Variants in GLYATL2 observed in about 807,000 individuals in gnomAD.
GLYATL2 encodes the protein glycine N-acyltransferase-like protein 2.
Under a neutral mutation model 21.4 loss-of-function variants are expected in GLYATL2, and 25 were observed. That is an observed-to-expected ratio of 1.17 (90% confidence interval 0.85 to 1.63). GLYATL2 has a LOEUF of 1.63. GLYATL2 is among the 40% of genes most tolerant of loss of function. The probability of loss-of-function intolerance (pLI) is 0.00; values close to 1 mark genes in which losing one functional copy is unlikely to be tolerated. For missense variants in GLYATL2, 361 were observed against 343.3 expected, an observed-to-expected ratio of 1.05 and a Z score of -0.41; for synonymous variants, 114 against 118.2, an observed-to-expected ratio of 0.96 and a Z score of 0.23.
intron 1 of GLYATL2, among the ~76,000 whole-genome samples, chr11:58,895,412 G>A (rs1854617850): frequency 6.6e-6 from 1 of 152,186 alleles, no homozygotes; most frequent in African/African-American, 2.4e-5. Flanking sequence ...CATAGACTGA[G>A]TGGCTTACAC....
chr11:58,865,963 T>A (rs180776177), intron 1 of GLYATL2, among the ~76,000 whole-genome samples: 1 of 148,880 alleles, frequency 6.7e-6, no homozygotes, highest in East Asian at 2.2e-4. Flanking sequence ...CTAGAACACA[T>A]CAGAGAGCTT....
At chr11:58,847,207 A>ACC (rs1853659320), upstream of GLYATL2, among the ~76,000 whole-genome samples, 1 of 152,158 alleles carries the variant, frequency 6.6e-6, no homozygotes, top group Non-Finnish European at 1.5e-5. Flanking sequence ...CTATTAGTAC[A>ACC]TTGAGGACCT....
intron 1 of GLYATL2, among the ~76,000 whole-genome samples, chr11:58,841,599 C>T (rs1683004710): frequency 6.6e-6 from 1 of 152,172 alleles, no homozygotes; most frequent in African/African-American, 2.4e-5. Context: ...AGATGGACTA[C>T]ATGTAACTTG....
chr11:58,889,457 T>C (rs1344573534), intron 1 of GLYATL2, among the ~76,000 whole-genome samples: 1 of 152,080 alleles, frequency 6.6e-6, no homozygotes, highest in African/African-American at 2.4e-5. Flanking sequence ...GTTCTATTCT[T>C]GTCTCATTCC....
intron 1 of GLYATL2, among the ~76,000 whole-genome samples, chr11:58,873,025 G>A (rs1475598654): frequency 2.0e-5 from 3 of 151,862 alleles, no homozygotes; most frequent in African/African-American, 7.3e-5. Flanking sequence ...GGATTCCTAG[G>A]TATTTTATTC....
chr11:58,882,510 A>C (rs770639948), intron 1 of GLYATL2, among the ~76,000 whole-genome samples: 5 of 151,996 alleles, frequency 3.3e-5, no homozygotes, highest in African/African-American at 4.8e-5. Flanking sequence ...AGATTGCAAA[A>C]ATTTTCCCCA....
rs561350206 is a variant in GLYATL2 at position 58,851,050 on chromosome 11, C to T, written n.61-12682G>A. Among the ~76,000 whole-genome samples the T allele has an allele frequency of 1.2e-3, 178 of 152,262 alleles. 3 individuals carry two copies. The highest frequency in any genetic ancestry group is 3.8e-3 in the African/African-American group (156 of 41,558). ...CCTTGGCTGCCAAACAGGGAAGGGC[C>T]CCCTGTCTGGTGGACACGTGACTCA... On this transcript the variant is annotated intron_variant and non_coding_transcript_variant, in intron 1 of 4. Transcript: ENST00000533636.
At chr11:58,834,888 G>A (rs1396269673) in intron 5 of GLYATL2, 51 bp from the exon 6 acceptor site, 3 of 1,378,376 alleles carry the variant, frequency 2.2e-6, no homozygotes, top group East Asian at 2.4e-5. Context: ...ACCAAACACT[G>A]GAATTTCAAA....
At chr11:58,836,979 A>G in intron 5 of GLYATL2, 36 bp downstream of exon 5, 6 of 1,586,978 alleles carry the variant, frequency 3.8e-6, no homozygotes, top group Non-Finnish European at 5.2e-6. Context: ...CAGTAATTCT[A>G]TCAAGGAATT....
upstream of GLYATL2, among the ~76,000 whole-genome samples, chr11:58,846,343 A>AT (rs1223424242): frequency 6.6e-6 from 1 of 152,164 alleles, no homozygotes; most frequent in African/African-American, 2.4e-5. Flanking sequence ...ACAACTACAC[A>AT]GAAAAAAATA....
At chr11:58,872,919 A>G (rs1050584933) in intron 1 of GLYATL2, among the ~76,000 whole-genome samples, 15 of 152,230 alleles carry the variant, frequency 9.9e-5, no homozygotes, top group African/African-American at 2.2e-4. Flanking sequence ...ACCCATTAGC[A>G]TGGAATGTTC....
At chr11:58,861,961 T>G (rs1196304260) in intron 1 of GLYATL2, among the ~76,000 whole-genome samples, 1 of 152,170 alleles carries the variant, frequency 6.6e-6, no homozygotes, top group African/African-American at 2.4e-5. Context: ...TCTCTAGCAT[T>G]TCCTGTAAGA....
At chr11:58,847,753 G>A (rs567872681), upstream of GLYATL2, among the ~76,000 whole-genome samples, 4 of 152,318 alleles carry the variant, frequency 2.6e-5, 1 homozygote, top group African/African-American at 9.6e-5. Context: ...CAGGGCCTGA[G>A]GAATCTCACT....
At chr11:58,865,793 G>A (rs555882) in intron 1 of GLYATL2, among the ~76,000 whole-genome samples, 7,800 of 148,712 alleles carry the variant, frequency 0.052, 834 homozygotes, top group Non-Finnish European at 0.08. Context: ...GCATTAGCAG[G>A]GACTAAGCAA....
intron 1 of GLYATL2, among the ~76,000 whole-genome samples, chr11:58,890,776 G>A (rs1854529136): frequency 6.6e-6 from 1 of 151,330 alleles, no homozygotes; most frequent in Non-Finnish European, 1.5e-5. Context: ...CATACTCTGT[G>A]CTTATTTTTT....
chr11:58,891,060 T>C (rs941261724), intron 1 of GLYATL2, among the ~76,000 whole-genome samples: 1 of 152,176 alleles, frequency 6.6e-6, no homozygotes, highest in Non-Finnish European at 1.5e-5. Flanking sequence ...TAAAATTGAG[T>C]CTTTTAAAAC....
chr11:58,844,009 C>G lies in GLYATL2; in HGVS notation c.-41+425G>C, dbSNP rs555561733. The stretch of plus-strand genomic sequence containing the variant: ...GGCAACAGAAAAGCATTGTTTTATT[C>G]TAGCCACATGACACAGAAGGAAGAA... On this transcript the variant is annotated intron_variant, in intron 1 of 5. Coordinates refer to ENST00000287275, the MANE Select transcript of GLYATL2 (RefSeq NM_145016.4). Among the ~76,000 whole-genome samples, 16 of 152,270 alleles carry G rather than the reference C, an allele frequency of 1.1e-4. No homozygotes were observed. In the South Asian group the frequency reaches 3.3e-3, roughly 32 times the overall value.
chr11:58,860,214 AT>A (rs1484624517), intron 1 of GLYATL2, among the ~76,000 whole-genome samples: 17 of 152,216 alleles, frequency 1.1e-4, no homozygotes, highest in African/African-American at 4.1e-4. Context: ...CATTATTGTC[AT>A]TTTGACAGTA....
chr11:58,894,627 A>C (rs1854605370), intron 1 of GLYATL2, among the ~76,000 whole-genome samples: 1 of 152,200 alleles, frequency 6.6e-6, no homozygotes, highest in Non-Finnish European at 1.5e-5. Flanking sequence ...AGCCTCCACA[A>C]AATTGAATGT....
Sources: gnomAD v4.1 joint callset for allele counts (sites outside exome capture counted in the v4.1 genomes callset) on GRCh38, gnomAD v4.1.1 for gene constraint, MANE v1.5 for transcripts, NCBI Gene and HGNC (gene_info 2026-07-23, HGNC 2026-07-21) for gene names.